The following FBXL7 variants were observed in gnomAD, a reference collection of about 807,000 sequenced individuals.
The protein encoded by FBXL7 is F-box and leucine rich repeat protein 7, also known as F-box/LRR-repeat protein 7.
Under a neutral mutation model 38.3 loss-of-function variants are expected in FBXL7, and 12 were observed. The observed-to-expected ratio is 0.31, with a 90% confidence interval of 0.20 to 0.51. The LOEUF (loss-of-function observed/expected upper bound fraction) is 0.51. Ranked by LOEUF, FBXL7 falls within the 20% of genes least tolerant of loss-of-function variation. The pLI is 0.98. For synonymous variants in FBXL7, 297 were observed against 300.9 expected (o/e 0.99, Z 0.13); for missense variants, 567 against 676.4 (o/e 0.84, Z 1.79).
intron 2 of FBXL7, among the ~76,000 whole-genome samples, chr5:15,687,202 T>G (rs1214809880): frequency 6.6e-6 from 1 of 152,246 alleles, no homozygotes; most frequent in Non-Finnish European, 1.5e-5. Context: ...AACCCCTTTA[T>G]AGGAAACCCT....
At chr5:15,600,518 A>G (rs532609034) in intron 1 of FBXL7, among the ~76,000 whole-genome samples, 15 of 152,088 alleles carry the variant, frequency 9.9e-5, no homozygotes, top group Non-Finnish European at 1.9e-4. Context: ...CTCAGTTATA[A>G]TTCTCTTTAC....
At chr5:15,879,669 G>A (rs1740359076) in intron 2 of FBXL7, among the ~76,000 whole-genome samples, 1 of 152,086 alleles carries the variant, frequency 6.6e-6, no homozygotes, top group Admixed American at 6.6e-5. Flanking sequence ...ACTTAAACCT[G>A]TCATAAGGTA....
At chr5:15,734,853 G>A (rs1402784975) in intron 2 of FBXL7, among the ~76,000 whole-genome samples, 1 of 152,194 alleles carries the variant, frequency 6.6e-6, no homozygotes, top group Non-Finnish European at 1.5e-5. Context: ...TGTCCAGATG[G>A]GTGGATGTAA....
chr5:15,763,648 C>T (rs563738024), intron 2 of FBXL7, among the ~76,000 whole-genome samples: 2 of 152,204 alleles, frequency 1.3e-5, no homozygotes, highest in East Asian at 3.9e-4. Flanking sequence ...TATTTTTTAT[C>T]TTGGTTTTAT....
intron 2 of FBXL7, among the ~76,000 whole-genome samples, chr5:15,715,706 A>G (rs1303078211): frequency 6.6e-6 from 1 of 152,204 alleles, no homozygotes; most frequent in African/African-American, 2.4e-5. Context: ...CCTTCAGGCT[A>G]TAGTTTGCTA....
intron 2 of FBXL7, among the ~76,000 whole-genome samples, chr5:15,737,995 G>T (rs886481992): frequency 3.9e-5 from 6 of 152,148 alleles, no homozygotes; most frequent in Non-Finnish European, 8.8e-5. Flanking sequence ...GGCTGAAAAT[G>T]AGCATCAACA....
At chr5:15,599,849 A>G (rs887568108) in intron 1 of FBXL7, among the ~76,000 whole-genome samples, 2 of 152,168 alleles carry the variant, frequency 1.3e-5, no homozygotes, top group Non-Finnish European at 2.9e-5. Context: ...GGAGAGCTTT[A>G]TTTCTCAGAA....
intron 1 of FBXL7, among the ~76,000 whole-genome samples, chr5:15,594,465 A>G (rs1324544155): frequency 6.6e-6 from 1 of 152,152 alleles, no homozygotes; most frequent in Non-Finnish European, 1.5e-5. Flanking sequence ...TGATGGGAGT[A>G]CCCATTGGCC....
At chr5:15,588,624 G>A (rs1193717651) in intron 1 of FBXL7, among the ~76,000 whole-genome samples, 12 of 152,112 alleles carry the variant, frequency 7.9e-5, no homozygotes, top group African/African-American at 2.9e-4. Context: ...TGACCTCAAG[G>A]GATCTGCCCA....
intron 2 of FBXL7, among the ~76,000 whole-genome samples, chr5:15,755,061 T>A (rs1198004699): frequency 6.6e-6 from 1 of 152,204 alleles, no homozygotes; most frequent in Non-Finnish European, 1.5e-5. Flanking sequence ...ATTTAGGAAA[T>A]CCCTTCTGCC....
intron 2 of FBXL7, among the ~76,000 whole-genome samples, chr5:15,711,941 A>G (rs1313055003): frequency 2.0e-5 from 3 of 152,212 alleles, no homozygotes; most frequent in Non-Finnish European, 4.4e-5. Flanking sequence ...TGAGCAGACG[A>G]ACCATATTAA....
At chr5:15,851,354 A>G (rs1180753486) in intron 2 of FBXL7, among the ~76,000 whole-genome samples, 1 of 152,164 alleles carries the variant, frequency 6.6e-6, no homozygotes. Context: ...TGTCAGAATC[A>G]CTCATACAAT....
At chr5:15,774,687 G>C (rs1383562573) in intron 2 of FBXL7, among the ~76,000 whole-genome samples, 1 of 152,144 alleles carries the variant, frequency 6.6e-6, no homozygotes, top group South Asian at 2.1e-4. Context: ...CTTGATATAA[G>C]CTTAAAATTA....
intron 2 of FBXL7, among the ~76,000 whole-genome samples, chr5:15,693,010 A>C (rs947439366): frequency 5.3e-5 from 8 of 152,256 alleles, no homozygotes; most frequent in Non-Finnish European, 7.4e-5. Context: ...AAACAAAACA[A>C]TGAGTTCCAT....
intron 2 of FBXL7, among the ~76,000 whole-genome samples, chr5:15,824,445 TTTTG>T (rs1482500972): frequency 1.3e-5 from 2 of 152,130 alleles, no homozygotes; most frequent in East Asian, 1.9e-4. Context: ...ATGCCAACGT[TTTTG>T]TTTGTTTGCT....
intron 2 of FBXL7, among the ~76,000 whole-genome samples, chr5:15,811,597 G>A (rs72734154): frequency 6.6e-6 from 1 of 152,024 alleles, no homozygotes; most frequent in Non-Finnish European, 1.5e-5. Context: ...TGGGGAAGGG[G>A]TACAATTCAG....
rs376260808 is a variant in FBXL7, at chr5:15,859,743, C to T, written c.128-68147C>T. Among the ~76,000 whole-genome samples, 6 of 152,222 alleles carry T rather than the reference C, an allele frequency of 3.9e-5. No homozygotes were observed. In the East Asian group the frequency reaches 9.6e-4, roughly 24 times the overall value. On this transcript the variant is annotated intron_variant, in intron 2 of 3. Coordinates refer to ENST00000504595, the MANE Select transcript of FBXL7 (RefSeq NM_012304.5). ...TCCCTCCCACGACATGTAGGGATTA[C>T]GGGAACAACAGTTCAAGATGAGATT...
intron 2 of FBXL7, among the ~76,000 whole-genome samples, chr5:15,812,868 A>G (rs994071316): frequency 6.6e-6 from 1 of 152,074 alleles, no homozygotes; most frequent in Non-Finnish European, 1.5e-5. Flanking sequence ...TTGTATTCCT[A>G]AGTATTTTAT....
chr5:15,930,605 A>G (rs1742013908), intron 3 of FBXL7, among the ~76,000 whole-genome samples: 1 of 152,206 alleles, frequency 6.6e-6, no homozygotes. Flanking sequence ...ACCATTATTA[A>G]GCCTTGATAT....
Sources: gnomAD v4.1 joint callset for allele counts (sites outside exome capture counted in the v4.1 genomes callset) on GRCh38, gnomAD v4.1.1 for gene constraint, MANE v1.5 for transcripts, NCBI Gene and HGNC (gene_info 2026-07-23, HGNC 2026-07-21) for gene names.